BACH1: variants seen among roughly 807,000 people sequenced by gnomAD.
BACH1 encodes the protein transcription regulator protein BACH1.
In BACH1, 35 loss-of-function variants were observed where a neutral mutation model predicts 52.9. That is an observed-to-expected ratio of 0.66 (90% CI 0.51 to 0.88). The LOEUF (loss-of-function observed/expected upper bound fraction) is 0.88. BACH1 is among the 40% of genes least tolerant of loss of function. The probability of loss-of-function intolerance (pLI) is 0.00; values close to 1 mark genes in which losing one functional copy is unlikely to be tolerated. For synonymous variants in BACH1, 321 were observed against 319.6 expected (o/e 1.00, Z -0.05); for missense variants, 808 against 872.6 (o/e 0.93, Z 0.93).
chr21:29,313,411 A>G (rs2088750479), intron 1 of BACH1, among the ~76,000 whole-genome samples: 1 of 152,384 alleles, frequency 6.6e-6, no homozygotes, highest in Non-Finnish European at 1.5e-5. Flanking sequence ...GCATGTGCCT[A>G]TAATATGACC....
At chr21:29,332,396 A>G (rs8129918) in intron 4 of BACH1, among the ~76,000 whole-genome samples, 1 of 152,206 alleles carries the variant, frequency 6.6e-6, no homozygotes, top group Non-Finnish European at 1.5e-5. Flanking sequence ...TTGTTTCTCA[A>G]CAGTTTTTAT....
At chr21:29,324,156 G>C (rs576818475) in intron 2 of BACH1, among the ~76,000 whole-genome samples, 1 of 150,852 alleles carries the variant, frequency 6.6e-6, no homozygotes, top group Non-Finnish European at 1.5e-5. Context: ...GGAGACTGAG[G>C]CAGGAGAATC....
At chr21:29,336,464 A>G (rs1033347946) in intron 4 of BACH1, among the ~76,000 whole-genome samples, 3 of 152,180 alleles carry the variant, frequency 2.0e-5, no homozygotes, top group African/African-American at 7.2e-5. Flanking sequence ...TGTGTTGCTT[A>G]GTTATCTATG....
intron 4 of BACH1, among the ~76,000 whole-genome samples, chr21:29,341,804 C>T (rs2089116377): frequency 6.6e-6 from 1 of 152,200 alleles, no homozygotes; most frequent in South Asian, 2.1e-4. Flanking sequence ...TGTTGGAAAA[C>T]ATTTAGCACA....
intron 4 of BACH1, among the ~76,000 whole-genome samples, chr21:29,336,287 G>T (rs188973105): frequency 1.3e-5 from 2 of 152,080 alleles, no homozygotes; most frequent in African/African-American, 4.8e-5. Context: ...TTTACTTCCC[G>T]TAAACTGGAA....
chr21:29,342,845 C>G lies in BACH1; in HGVS notation c.*12C>G. 1 of 1,563,094 alleles carries G rather than the reference C, an allele frequency of 6.4e-7. No individual in the cohort carries two copies. The highest frequency in any genetic ancestry group is 8.7e-7 in the Non-Finnish European group (1 of 1,150,994). On this transcript the variant is annotated 3_prime_UTR_variant, in exon 5 of 5. Transcript: ENST00000286800. Reference sequence around the variant, plus strand: ...CTACTGATGAGTAAACTTGCATTCACTTCCTTCAAACCATCTAATTTTCTC... The same window carrying G: ...CTACTGATGAGTAAACTTGCATTCAGTTCCTTCAAACCATCTAATTTTCTC...
downstream of BACH1, among the ~76,000 whole-genome samples, chr21:29,348,486 T>C (rs1209785724): frequency 1.3e-5 from 2 of 152,112 alleles, no homozygotes; most frequent in Non-Finnish European, 2.9e-5. Flanking sequence ...AATCTTGGTT[T>C]CAGTTCCCCA....
At chr21:29,354,571 A>G (rs75703664) in intron 2 of BACH1, among the ~76,000 whole-genome samples, 1 of 152,330 alleles carries the variant, frequency 6.6e-6, no homozygotes, top group East Asian at 1.9e-4. Context: ...AGGTAGAAGA[A>G]GAGCTGGTAA....
intron 1 of BACH1, among the ~76,000 whole-genome samples, chr21:29,311,790 A>G (rs987680274): frequency 1.3e-5 from 2 of 152,196 alleles, no homozygotes; most frequent in Admixed American, 1.3e-4. Context: ...TGTAAGTTGT[A>G]TGGAAATACC....
intron 1 of BACH1, among the ~76,000 whole-genome samples, chr21:29,317,850 C>T (rs924250935): frequency 6.6e-6 from 1 of 152,064 alleles, no homozygotes; most frequent in Non-Finnish European, 1.5e-5. Flanking sequence ...AACATCTCAG[C>T]GAGGTGGTGT....
intron 1 of BACH1, among the ~76,000 whole-genome samples, chr21:29,302,819 T>G (rs1399641065): frequency 1.3e-5 from 2 of 152,212 alleles, no homozygotes; most frequent in Admixed American, 6.5e-5. Flanking sequence ...AACACTCTTA[T>G]GTTAAGTCAG....
At chr21:29,302,746 A>G (rs2268200) in intron 1 of BACH1, among the ~76,000 whole-genome samples, 3,094 of 152,320 alleles carry the variant, frequency 0.02, 80 homozygotes, top group African/African-American at 0.063. Flanking sequence ...GTAGTGTTTT[A>G]TAGCTGTTGA....
chr21:29,346,398 C>G (rs188182494), downstream of BACH1, among the ~76,000 whole-genome samples: 69 of 152,318 alleles, frequency 4.5e-4, no homozygotes, highest in African/African-American at 1.6e-3. Context: ...GGTATTATCT[C>G]TATCAGTCAT....
intron 1 of BACH1, among the ~76,000 whole-genome samples, chr21:29,315,068 A>T (rs561333303): frequency 6.6e-6 from 1 of 152,052 alleles, no homozygotes; most frequent in East Asian, 1.9e-4. Context: ...AGAATGATGA[A>T]AAGCCATGTC....
intron 4 of BACH1, 40 bp from the exon 5 acceptor site, chr21:29,342,356 CTAA>C (rs1191181998): frequency 5.2e-6 from 8 of 1,544,456 alleles, no homozygotes; most frequent in Non-Finnish European, 6.2e-6. Context: ...GTTGATTGAG[CTAA>C]TAAACACAAG....
intron 2 of BACH1, among the ~76,000 whole-genome samples, chr21:29,358,711 G>C (rs1476711097): frequency 6.6e-6 from 1 of 150,634 alleles, no homozygotes; most frequent in African/African-American, 2.5e-5. Context: ...CTGCATTCCA[G>C]CCTGGGTGAC....
intron 2 of BACH1, among the ~76,000 whole-genome samples, chr21:29,358,782 GAAA>G (rs1569028829): frequency 7.2e-5 from 7 of 97,150 alleles, no homozygotes; most frequent in East Asian, 6.9e-4. Flanking sequence ...AAGAAAGAAA[GAAA>G]GAAAGAAAGA....
At chr21:29,357,678 T>C (rs1393145717) in intron 2 of BACH1, among the ~76,000 whole-genome samples, 6 of 152,202 alleles carry the variant, frequency 3.9e-5, no homozygotes, top group Admixed American at 6.5e-5. Context: ...ATCAATTTCC[T>C]TACTTAGGTA....
chr21:29,320,895 G>C (rs1450260140), intron 1 of BACH1, among the ~76,000 whole-genome samples: 1 of 152,064 alleles, frequency 6.6e-6, no homozygotes, highest in Admixed American at 6.5e-5. Context: ...ATAGGATTGG[G>C]ATGCCACCAG....
Sources: allele counts gnomAD v4.1 joint callset (sites outside exome capture counted in the v4.1 genomes callset), GRCh38; gene constraint gnomAD v4.1.1; transcripts MANE v1.5; gene names NCBI Gene and HGNC (gene_info 2026-07-23, HGNC 2026-07-21).